The following LRFN5 variants were observed in gnomAD, a reference collection of about 807,000 sequenced individuals.
The protein encoded by LRFN5 is leucine rich repeat and fibronectin type III domain containing 5, also known as leucine-rich repeat and fibronectin type-III domain-containing protein 5.
Under a neutral mutation model 45.6 loss-of-function variants are expected in LRFN5, and 24 were observed. That is an observed-to-expected ratio of 0.53 (90% CI 0.38 to 0.74). The LOEUF is 0.74. Ranked by LOEUF, LRFN5 falls within the 30% of genes least tolerant of loss-of-function variation. The pLI, the probability that LRFN5 is intolerant of heterozygous loss-of-function variation, is 0.00. For missense variants in LRFN5, 776 were observed against 861.5 expected, an observed-to-expected ratio of 0.90 and a Z score of 1.24; for synonymous variants, 340 against 313.8, an observed-to-expected ratio of 1.08 and a Z score of -0.88.
At chr14:41,670,478 G>A (rs1397866754) in intron 1 of LRFN5, among the ~76,000 whole-genome samples, 1 of 150,782 alleles carries the variant, frequency 6.6e-6, no homozygotes, top group Non-Finnish European at 1.5e-5. Flanking sequence ...TCAATAAATT[G>A]AATTATAGAA....
At position 41,657,469 on chromosome 14, in the gene LRFN5, A is replaced by G. The variant is rs74045188; in HGVS notation, c.-197+48907A>G. 5.1e-3 allele frequency among the ~76,000 whole-genome samples: 770 copies of G among 151,882 alleles called. 4 individuals are homozygous for G. The highest frequency in any genetic ancestry group is 0.018 in the African/African-American group (747 of 41,362). ...GTGCTCTGACCCATCTCAGAAGGAC[A>G]TCAGAAAGGCAACATTTTAAAATTA... On this transcript the variant is annotated intron_variant, in intron 1 of 5. Coordinates refer to ENST00000298119, the MANE Select transcript of LRFN5 (RefSeq NM_152447.5).
chr14:41,826,398 G>A (rs1315897444), intron 2 of LRFN5, among the ~76,000 whole-genome samples: 3 of 152,006 alleles, frequency 2.0e-5, no homozygotes, highest in Admixed American at 6.5e-5. Flanking sequence ...CCTTTCTCAT[G>A]CTGTACTTTT....
chr14:41,808,158 TAAAG>T, intron 2 of LRFN5, among the ~76,000 whole-genome samples: 1 of 137,896 alleles, frequency 7.3e-6, no homozygotes, highest in African/African-American at 2.8e-5. Flanking sequence ...TTAAGAAGCA[TAAAG>T]AAAGTGGAGG....
At chr14:41,615,956 C>T (rs1017654038) in intron 1 of LRFN5, among the ~76,000 whole-genome samples, 4 of 152,062 alleles carry the variant, frequency 2.6e-5, no homozygotes, top group African/African-American at 7.2e-5. Flanking sequence ...TCAAATTACA[C>T]ACTTTAAGTT....
chr14:41,736,935 G>T (rs908322411), intron 1 of LRFN5, among the ~76,000 whole-genome samples: 1 of 151,956 alleles, frequency 6.6e-6, no homozygotes, highest in Admixed American at 6.6e-5. Context: ...AGAGGAGCTG[G>T]TACCATTCCT....
chr14:41,834,429 T>C (rs1888592098), intron 2 of LRFN5, among the ~76,000 whole-genome samples: 1 of 152,188 alleles, frequency 6.6e-6, no homozygotes, highest in Non-Finnish European at 1.5e-5. Flanking sequence ...GTATTTACTT[T>C]TTGAACCCAA....
In LRFN5 at chr14:41,675,103, C is replaced by G. The variant is rs1270673321; in HGVS notation, c.-197+66541C>G. 2.6e-4 allele frequency among the ~76,000 whole-genome samples: 39 copies of G among 151,856 alleles called. No homozygotes were observed. In the East Asian group the frequency reaches 7.3e-3, roughly 28 times the overall value. On this transcript the variant is annotated intron_variant, in intron 1 of 5. Transcript: ENST00000298119. Reference sequence around the variant, plus strand: ...ATGGGATGGCGGCGGGGCAGAGACGCTCCTCACTTTCCAGACTGGGCAGCC... The same window carrying G: ...ATGGGATGGCGGCGGGGCAGAGACGGTCCTCACTTTCCAGACTGGGCAGCC...
chr14:41,720,153 A>T (rs1396772078), intron 1 of LRFN5, among the ~76,000 whole-genome samples: 1 of 151,946 alleles, frequency 6.6e-6, no homozygotes, highest in Non-Finnish European at 1.5e-5. Context: ...CGTGTCTATT[A>T]TTGCCAACTT....
At chr14:41,752,353 A>G (rs557298161) in intron 1 of LRFN5, among the ~76,000 whole-genome samples, 1,925 of 152,266 alleles carry the variant, frequency 0.013, 10 homozygotes, top group Middle Eastern at 0.034. Flanking sequence ...GACTTCCACA[A>G]TGGTTGAACT....
At chr14:41,672,079 C>T (rs1449034020) in intron 1 of LRFN5, among the ~76,000 whole-genome samples, 1 of 152,146 alleles carries the variant, frequency 6.6e-6, no homozygotes, top group Non-Finnish European at 1.5e-5. Flanking sequence ...CTACTAGGTG[C>T]CTTAGGGCAC....
At chr14:41,751,595 G>A (rs759401699) in intron 1 of LRFN5, among the ~76,000 whole-genome samples, 1 of 151,946 alleles carries the variant, frequency 6.6e-6, no homozygotes, top group Non-Finnish European at 1.5e-5. Context: ...ATCTTTGGAA[G>A]TCTCTCCAAG....
chr14:41,756,922 C>T (rs1237279630), intron 1 of LRFN5, among the ~76,000 whole-genome samples: 1 of 152,102 alleles, frequency 6.6e-6, no homozygotes, highest in East Asian at 1.9e-4. Context: ...TGGTGACGTA[C>T]AGATGGGGTT....
intron 4 of LRFN5, among the ~76,000 whole-genome samples, chr14:41,897,285 G>A (rs1373860304): frequency 6.6e-6 from 1 of 151,482 alleles, no homozygotes; most frequent in Non-Finnish European, 1.5e-5. Context: ...AATGCATTGG[G>A]GATTTCATCA....
chr14:41,728,914 C>T (rs1884050906), intron 1 of LRFN5, among the ~76,000 whole-genome samples: 1 of 152,150 alleles, frequency 6.6e-6, no homozygotes, highest in Admixed American at 6.6e-5. Flanking sequence ...CACTAACCAA[C>T]AATTTTAAAG....
At chr14:41,609,162 T>C (rs2138531915) in intron 1 of LRFN5, among the ~76,000 whole-genome samples, 1 of 152,252 alleles carries the variant, frequency 6.6e-6, no homozygotes, top group East Asian at 1.9e-4. Flanking sequence ...TGAGATATGG[T>C]GTTTAACTGC....
At chr14:41,828,593 C>G (rs1377378612) in intron 2 of LRFN5, among the ~76,000 whole-genome samples, 1 of 151,912 alleles carries the variant, frequency 6.6e-6, no homozygotes, top group East Asian at 1.9e-4. Flanking sequence ...AGTCAGAAAT[C>G]TGGAAGTCCT....
chr14:41,726,253 TC>T (rs1883928075), intron 1 of LRFN5, among the ~76,000 whole-genome samples: 2 of 152,286 alleles, frequency 1.3e-5, no homozygotes, highest in South Asian at 4.1e-4. Flanking sequence ...ACCTTGTTGT[TC>T]AGAGGGATCC....
chr14:41,816,907 C>T (rs1196377480), intron 2 of LRFN5, among the ~76,000 whole-genome samples: 5 of 151,192 alleles, frequency 3.3e-5, no homozygotes, highest in Admixed American at 3.3e-4. Flanking sequence ...CTGTGACACA[C>T]ATGTTATACC....
At chr14:41,654,459 G>T (rs1433579633) in intron 1 of LRFN5, among the ~76,000 whole-genome samples, 1 of 151,806 alleles carries the variant, frequency 6.6e-6, no homozygotes, top group East Asian at 1.9e-4. Context: ...TAAATCCATA[G>T]GAAACTGGAA....
Sources: gnomAD v4.1 joint callset for allele counts (sites outside exome capture counted in the v4.1 genomes callset) on GRCh38, gnomAD v4.1.1 for gene constraint, MANE v1.5 for transcripts, NCBI Gene and HGNC (gene_info 2026-07-23, HGNC 2026-07-21) for gene names.